TLN2: variants seen among roughly 807,000 people sequenced by gnomAD.
TLN2 encodes the protein talin 2, also known as talin-2.
Under a neutral mutation model 294.7 loss-of-function variants are expected in TLN2, and 118 were observed. That is an observed-to-expected ratio of 0.40 (90% CI 0.34 to 0.47). The LOEUF (loss-of-function observed/expected upper bound fraction) is 0.47, where lower values mean the gene tolerates loss of function less well. Among genes scored for constraint, TLN2 ranks in the 20% least tolerant of loss-of-function variants. TLN2 has a pLI of 0.84. For missense variants in TLN2, 3,083 were observed against 3,282.2 expected (o/e 0.94, Z 1.48); for synonymous variants, 1,431 against 1,304.5 (o/e 1.10, Z -2.09).
intron 42 of TLN2, among the ~76,000 whole-genome samples, chr15:62,774,731 A>G (rs1204958079): frequency 1.3e-5 from 2 of 152,194 alleles, no homozygotes; most frequent in African/African-American, 2.4e-5. Context: ...TGGGATAGCC[A>G]AGAGCAAGGA....
chr15:62,617,012 C>T (rs188537415), intron 2 of TLN2, among the ~76,000 whole-genome samples: 1 of 151,906 alleles, frequency 6.6e-6, no homozygotes, highest in African/African-American at 2.4e-5. Context: ...TCTAATAGCT[C>T]TAATAGAAAA....
intron 1 of TLN2, among the ~76,000 whole-genome samples, chr15:62,492,396 A>G (rs988911065): frequency 6.6e-6 from 1 of 152,098 alleles, no homozygotes; most frequent in African/African-American, 2.4e-5. Context: ...GTCTCTAATA[A>G]AAATACAAAA....
intron 1 of TLN2, among the ~76,000 whole-genome samples, chr15:62,406,028 C>T (rs890162894): frequency 4.6e-5 from 7 of 152,204 alleles, no homozygotes; most frequent in Non-Finnish European, 2.9e-5. Flanking sequence ...CTGGGGAATC[C>T]GAGAAGCATC....
At chr15:62,797,108 C>G (rs1420414046) in intron 47 of TLN2, 111 bp from the exon 48 acceptor site, 1 of 1,220,398 alleles carries the variant, frequency 8.2e-7, no homozygotes, top group African/African-American at 1.5e-5. Flanking sequence ...CACTTCTCTT[C>G]TTCAAAGCCC....
chr15:62,643,798 G>A (rs1045793527), intron 3 of TLN2, among the ~76,000 whole-genome samples: 1 of 152,024 alleles, frequency 6.6e-6, no homozygotes, highest in Non-Finnish European at 1.5e-5. Context: ...GGTCCTTTCC[G>A]TGAACCCAGA....
At chr15:62,732,402 G>A (rs1054855124) in intron 28 of TLN2, among the ~76,000 whole-genome samples, 1 of 152,294 alleles carries the variant, frequency 6.6e-6, no homozygotes, top group Non-Finnish European at 1.5e-5. Context: ...GATGAGAGAA[G>A]GATGATGGAA....
chr15:62,692,795 G>C (rs752609865), intron 12 of TLN2, 45 bp from the exon 13 acceptor site: 7 of 1,493,078 alleles, frequency 4.7e-6, no homozygotes, highest in Non-Finnish European at 6.5e-6. Context: ...TTAAAATGCT[G>C]ATATATCTGA....
intron 50 of TLN2, among the ~76,000 whole-genome samples, chr15:62,804,017 CTG>C (rs774024422): frequency 3.3e-5 from 5 of 152,172 alleles, no homozygotes; most frequent in Non-Finnish European, 7.3e-5. Context: ...CTCAGTAACA[CTG>C]TAGTTTTTGC....
At chr15:62,729,394 T>G (rs2060600009) in intron 28 of TLN2, among the ~76,000 whole-genome samples, 3 of 152,212 alleles carry the variant, frequency 2.0e-5, no homozygotes, top group African/African-American at 7.2e-5. Context: ...AAAAATACTG[T>G]TTTCTTAAGC....
intron 1 of TLN2, among the ~76,000 whole-genome samples, chr15:62,502,546 C>A (rs1194749489): frequency 2.0e-5 from 3 of 152,052 alleles, no homozygotes; most frequent in Non-Finnish European, 4.4e-5. Flanking sequence ...CCTGGTGATA[C>A]GAGGGGTCTA....
At chr15:62,825,953 G>A (rs2068156845) in intron 54 of TLN2, among the ~76,000 whole-genome samples, 1 of 142,146 alleles carries the variant, frequency 7.0e-6, no homozygotes, top group Non-Finnish European at 1.5e-5. Context: ...TTGAACTTGG[G>A]AGGCGGAGGT....
intron 14 of TLN2, among the ~76,000 whole-genome samples, chr15:62,695,838 C>A (rs1334462094): frequency 2.0e-5 from 3 of 152,192 alleles, no homozygotes; most frequent in Non-Finnish European, 4.4e-5. Flanking sequence ...GGGTGATCTG[C>A]GTCACTTCAG....
chr15:62,550,933 C>T (rs961175910), intron 1 of TLN2, among the ~76,000 whole-genome samples: 16 of 152,062 alleles, frequency 1.1e-4, no homozygotes, highest in African/African-American at 3.1e-4. Context: ...TATTACATTG[C>T]AATATATAAT....
chr15:62,462,071 T>TAAAAAATACAAAAA (rs1197756702), intron 1 of TLN2, among the ~76,000 whole-genome samples: 1 of 151,440 alleles, frequency 6.6e-6, no homozygotes, highest in Non-Finnish European at 1.5e-5. Flanking sequence ...AAATACAAAA[T>TAAAAAATACAAAAA]ACAAAATACA....
At position 62,586,580 on chromosome 15, in the gene TLN2, C is replaced by T. The variant is rs903105402; in HGVS notation, c.-237-3107C>T. On this transcript the variant is annotated intron_variant, in intron 1 of 58. Coordinates refer to ENST00000636159, the MANE Select transcript of TLN2 (RefSeq NM_015059.3). Reference sequence around the variant, plus strand: ...ATTTGTTTGCTAGAGATAAAGTTAACGTTATGGGCCCATTATGGGGATACA... The same window carrying T: ...ATTTGTTTGCTAGAGATAAAGTTAATGTTATGGGCCCATTATGGGGATACA... 2.6e-4 allele frequency among the ~76,000 whole-genome samples: 40 copies of T among 152,252 alleles called. 1 individual carries two copies. Among genetic ancestry groups the T allele is most frequent in the African/African-American group, 8.4e-4 (35 of 41,546 alleles).
At position 62,655,583 on chromosome 15, in the gene TLN2, T is replaced by TTGTGCTTTAGCTATAACTTTAGGA; in HGVS notation, c.518-361_518-360insTGTGCTTTAGCTATAACTTTAGGA. Reference sequence around the variant, plus strand: ...GAGGCAGCATATTATACATTCATTGTAGCACATGTCACCGTGGGTTGGCTG... The same window carrying TTGTGCTTTAGCTATAACTTTAGGA: ...GAGGCAGCATATTATACATTCATTGTTGTGCTTTAGCTATAACTTTAGGAAGCACATGTCACCGTGGGTTGGCTG... On this transcript the variant is annotated intron_variant, in intron 7 of 58. Coordinates refer to ENST00000636159, the MANE Select transcript of TLN2 (RefSeq NM_015059.3). 1.7e-4 allele frequency among the ~76,000 whole-genome samples: 2 copies of TTGTGCTTTAGCTATAACTTTAGGA among 11,754 alleles called. 1 individual carries two copies. Among genetic ancestry groups the TTGTGCTTTAGCTATAACTTTAGGA allele is most frequent in the Non-Finnish European group, 9.5e-3 (2 of 210 alleles). The allele number at this position is 11,754 out of a possible 152,430, so 7.7% of individuals were successfully genotyped here.
At chr15:62,767,869 T>A (rs921599295) in intron 41 of TLN2, among the ~76,000 whole-genome samples, 2 of 152,252 alleles carry the variant, frequency 1.3e-5, no homozygotes, top group Non-Finnish European at 2.9e-5. Flanking sequence ...TGGAGGACAA[T>A]ACCCATGTCT....
chr15:62,614,139 G>T (rs2140833483), intron 2 of TLN2, among the ~76,000 whole-genome samples: 1 of 152,270 alleles, frequency 6.6e-6, no homozygotes, highest in South Asian at 2.1e-4. Flanking sequence ...ACTCAAAAAT[G>T]AGTGCTTTTA....
At chr15:62,796,441 A>G (rs1278312938) in intron 47 of TLN2, 148 bp downstream of exon 47, 1 of 1,022,276 alleles carries the variant, frequency 9.8e-7, no homozygotes, top group Non-Finnish European at 1.4e-6. Flanking sequence ...GAACCATGTA[A>G]TCAGAATAAG....
Sources: allele counts gnomAD v4.1 joint callset (sites outside exome capture counted in the v4.1 genomes callset), GRCh38; gene constraint gnomAD v4.1.1; transcripts MANE v1.5; gene names NCBI Gene and HGNC (gene_info 2026-07-23, HGNC 2026-07-21).